The following SLC6A12 variants were observed in gnomAD, a reference collection of about 807,000 sequenced individuals.
SLC6A12 encodes sodium- and chloride-dependent betaine transporter.
SLC6A12 carries 50 observed loss-of-function variants against 73.3 expected under a neutral mutation model. The observed-to-expected ratio is 0.68, with a 90% confidence interval of 0.54 to 0.86. The LOEUF (loss-of-function observed/expected upper bound fraction) is 0.86. SLC6A12 is among the 40% of genes least tolerant of loss of function. The pLI is 0.00. For synonymous variants in SLC6A12, 304 were observed against 309.2 expected (o/e 0.98, Z 0.18); for missense variants, 648 against 772.8 (o/e 0.84, Z 1.92).
At chr12:193,045 G>T (rs945264119) in intron 14 of SLC6A12, 1 of 541,382 alleles carries the variant, frequency 1.8e-6, no homozygotes, top group Non-Finnish European at 3.3e-6. Context: ...AGGAGGCACT[G>T]TGAGGAAGGG....
intron 3 of SLC6A12, among the ~76,000 whole-genome samples, chr12:207,825 G>A (rs1940725343): frequency 6.6e-6 from 1 of 152,102 alleles, no homozygotes; most frequent in African/African-American, 2.4e-5. Flanking sequence ...AACCTCATTT[G>A]GCCCCCTCAT....
chr12:195,143 C>A (rs1325265510), intron 13 of SLC6A12, 82 bp downstream of exon 13: 2 of 855,072 alleles, frequency 2.3e-6, no homozygotes, highest in Non-Finnish European at 4.0e-6. Context: ...AGAGAACGGC[C>A]TCCCCCAGGC....
intron 2 of SLC6A12, among the ~76,000 whole-genome samples, chr12:211,645 C>T (rs1565481204): frequency 6.6e-6 from 1 of 152,096 alleles, no homozygotes; most frequent in African/African-American, 2.4e-5. Context: ...AACATCTGAA[C>T]CCAAATGTGG....
chr12:192,672 T>A, intron 14 of SLC6A12, 24 bp from the exon 15 acceptor site: 1 of 1,612,008 alleles, frequency 6.2e-7, no homozygotes, highest in Non-Finnish European at 8.5e-7. Context: ...GGGGCAGCCA[T>A]GGGTAAGATA....
chr12:189,856 C>T (rs1192241003), downstream of SLC6A12, among the ~76,000 whole-genome samples: 2 of 152,156 alleles, frequency 1.3e-5, no homozygotes, highest in African/African-American at 4.8e-5. Context: ...GACACTCTCA[C>T]AGACTCCGTG....
chr12:204,721 G>T, intron 3 of SLC6A12, 23 bp from the exon 4 acceptor site: 2 of 1,613,214 alleles, frequency 1.2e-6, no homozygotes, highest in Non-Finnish European at 1.7e-6. Flanking sequence ...GAGAGGCAGG[G>T]CTGAGCCACA....
chr12:191,071 C>G lies in SLC6A12; in HGVS notation c.1842G>C (p.Leu614Phe). 1 of 1,325,266 alleles carries G rather than the reference C, an allele frequency of 7.5e-7. No homozygotes were observed. Among genetic ancestry groups the G allele is most frequent in the South Asian group, 2.9e-5 (1 of 34,936 alleles). The allele number at this position is 1,325,266 out of a possible 1,614,324, so 82.1% of individuals were successfully genotyped here. A position where few individuals can be genotyped will look rare whatever the true frequency, so the allele number is the denominator to read the frequency against. ...CCGCCTGGCCTCTGGCCACACCCTACAAATGGGTCTCCTTCTCCCCGGCTA... is the reference window on the plus strand; with the variant it reads ...CCGCCTGGCCTCTGGCCACACCCTAGAAATGGGTCTCCTTCTCCCCGGCTA... ...GLIAGEKETH[L>F] The change falls in exon 16 of 16, where the codon TTG (leucine) becomes TTC (phenylalanine). Residue 614 changes from leucine (L) to phenylalanine (F), a missense_variant. Transcript: ENST00000684302.
At chr12:193,597 T>C (rs1939722439) in intron 13 of SLC6A12, among the ~76,000 whole-genome samples, 1 of 152,252 alleles carries the variant, frequency 6.6e-6, no homozygotes, top group Non-Finnish European at 1.5e-5. Context: ...ACACTGCTGC[T>C]GCCATCTCTT....
rs758372343 is a variant in SLC6A12 at position 204,587 on chromosome 12, C to T, written c.326G>A (p.Arg109Lys). 6.2e-6 allele frequency: 10 copies of T among 1,614,202 alleles called. No homozygotes were observed. Among genetic ancestry groups the T allele is most frequent in the African/African-American group, 1.3e-5 (1 of 75,050 alleles). Residue 109 changes from arginine (R) to lysine (K), a missense_variant, in exon 4 of 16, where the codon AGG (arginine) becomes AAG (lysine). Transcript: ENST00000684302. ...ACCCTGGAAGAGGGGGCAGATCTTCCTCCAGGCTGTGACACTCCCTTGGCT... is the reference window on the plus strand; with the variant it reads ...ACCCTGGAAGAGGGGGCAGATCTTCTTCCAGGCTGTGACACTCCCTTGGCT... ...YTSQGSVTAW[R>K]KICPLFQGIG...
At position 195,621 on chromosome 12, in the gene SLC6A12, G is replaced by A. The variant is rs1254140439; in HGVS notation, c.1327-294C>T. On this transcript the variant is annotated intron_variant, in intron 12 of 15. Coordinates refer to ENST00000684302, the MANE Select transcript of SLC6A12 (RefSeq NM_001122848.3). The stretch of plus-strand genomic sequence containing the variant: ...CCTCATTCTTTGTTCCTTTTAGACT[G>A]GGGTATCCCTCTCTCTCTACTCCAG... Among the ~76,000 whole-genome samples the A allele has an allele frequency of 4.6e-5, 7 of 152,160 alleles. No individual in the cohort carries two copies. In the East Asian group the frequency reaches 1.3e-3, roughly 29 times the overall value.
In SLC6A12 at chr12:210,036, G is replaced by A; in HGVS notation, c.-50C>T. On this transcript the variant is annotated 5_prime_UTR_variant, in exon 3 of 16. Coordinates refer to ENST00000684302, the MANE Select transcript of SLC6A12 (RefSeq NM_001122848.3). ...CCGCTGGGTGGGCAGGATGACGAGG[G>A]CCAAAGCCTGGTGGGAAGAGAAGAA... The A allele has an allele frequency of 6.2e-7, 1 of 1,602,350 alleles. No individual in the cohort carries two copies. Among genetic ancestry groups the A allele is most frequent in the Non-Finnish European group, 8.5e-7 (1 of 1,172,466 alleles).
intron 12 of SLC6A12, among the ~76,000 whole-genome samples, chr12:195,757 T>C (rs1939829877): frequency 6.6e-6 from 1 of 151,872 alleles, no homozygotes; most frequent in Non-Finnish European, 1.5e-5. Context: ...CCAGCATCCA[T>C]CCCTAATGTC....
intron 7 of SLC6A12, among the ~76,000 whole-genome samples, chr12:200,212 C>T (rs890415804): frequency 6.7e-6 from 1 of 149,584 alleles, no homozygotes; most frequent in Non-Finnish European, 1.5e-5. Flanking sequence ...GGGTTCACGC[C>T]ATTCTCCTGC....
At chr12:187,576 T>A (rs1439214135), downstream of SLC6A12, among the ~76,000 whole-genome samples, 4 of 102,188 alleles carry the variant, frequency 3.9e-5, no homozygotes, top group African/African-American at 1.7e-4. Context: ...CAGCAAGATT[T>A]ACTGCAAAAG....
At chr12:203,488 G>A (rs1940420139) in intron 4 of SLC6A12, 1 of 152,160 alleles carries the variant, frequency 6.6e-6, no homozygotes, top group African/African-American at 2.4e-5. Flanking sequence ...CGGCGTTGGG[G>A]CGGCCCGGGC....
At chr12:185,428 G>T (rs1045398478), downstream of SLC6A12, among the ~76,000 whole-genome samples, 8 of 152,244 alleles carry the variant, frequency 5.3e-5, no homozygotes, top group Non-Finnish European at 1.2e-4. Context: ...AGTCCCTCAT[G>T]CTGGGGTGCA....
At chr12:205,728 C>T (rs1940599388) in intron 3 of SLC6A12, among the ~76,000 whole-genome samples, 1 of 152,200 alleles carries the variant, frequency 6.6e-6, no homozygotes, top group Non-Finnish European at 1.5e-5. Flanking sequence ...TAAAAGCACA[C>T]ACATGTATTT....
At chr12:199,225 T>A (rs917881733) in intron 7 of SLC6A12, among the ~76,000 whole-genome samples, 1 of 152,256 alleles carries the variant, frequency 6.6e-6, no homozygotes, top group Non-Finnish European at 1.5e-5. Context: ...ACCATTTTTT[T>A]CCTCTTATTT....
At chr12:192,444 C>T (rs1324257887) in intron 15 of SLC6A12, 34 bp downstream of exon 15, 2 of 1,605,528 alleles carry the variant, frequency 1.2e-6, no homozygotes, top group Admixed American at 3.3e-5. Context: ...TCAGTGCCCT[C>T]CTTTAAGAGG....
Sources: gnomAD v4.1 joint callset for allele counts (sites outside exome capture counted in the v4.1 genomes callset) on GRCh38, gnomAD v4.1.1 for gene constraint, MANE v1.5 for transcripts, NCBI Gene and HGNC (gene_info 2026-07-23, HGNC 2026-07-21) for gene names.